The following NAALADL2 variants were observed in gnomAD, a reference collection of about 807,000 sequenced individuals.
NAALADL2 encodes N-acetylated alpha-linked acidic dipeptidase like 2.
A neutral mutation model predicts 87.2 loss-of-function variants in NAALADL2; 76 were observed. That is an observed-to-expected ratio of 0.87 (90% CI 0.72 to 1.05). NAALADL2 has a LOEUF of 1.05. NAALADL2 is among the 50% of genes least tolerant of loss of function. NAALADL2 has a pLI of 0.00. For synonymous variants in NAALADL2, 354 were observed against 331.0 expected (o/e 1.07, Z -0.75); for missense variants, 1,089 against 945.8 (o/e 1.15, Z -1.99).
chr3:174,632,230 G>A (rs1205847300), intron 2 of NAALADL2, among the ~76,000 whole-genome samples: 1 of 152,024 alleles, frequency 6.6e-6, no homozygotes, highest in Non-Finnish European at 1.5e-5. Context: ...TATGTTAAAG[G>A]ATTGTTTAAA....
In NAALADL2 at chr3:175,336,551, C is replaced by G. The variant is rs904579391; in HGVS notation, c.1090+12226C>G. On this transcript the variant is annotated intron_variant, in intron 5 of 13. Coordinates refer to ENST00000454872, the MANE Select transcript of NAALADL2 (RefSeq NM_207015.3). Reference sequence around the variant, plus strand: ...AAGTAATACAGAAAGTAGGAAAGGGCAGGGCTGATTAGATCACATGGTGAT... The same window carrying G: ...AAGTAATACAGAAAGTAGGAAAGGGGAGGGCTGATTAGATCACATGGTGAT... Among the ~76,000 whole-genome samples the G allele has an allele frequency of 2.6e-5, 4 of 152,168 alleles. No individual in the cohort carries two copies. In the East Asian group the frequency reaches 5.8e-4, roughly 22 times the overall value.
At chr3:175,155,904 A>G (rs1003305677) in intron 2 of NAALADL2, among the ~76,000 whole-genome samples, 23 of 152,190 alleles carry the variant, frequency 1.5e-4, no homozygotes, top group African/African-American at 5.3e-4. Context: ...CACTTGTACA[A>G]GAGATGCAGA....
intron 4 of NAALADL2, among the ~76,000 whole-genome samples, chr3:175,313,025 A>C (rs1282666461): frequency 6.6e-6 from 1 of 152,188 alleles, no homozygotes; most frequent in Admixed American, 6.6e-5. Context: ...TTTGGAGTCA[A>C]GAAGTCCAAG....
chr3:175,244,833 A>G (rs942403532), intron 3 of NAALADL2, among the ~76,000 whole-genome samples: 2 of 152,096 alleles, frequency 1.3e-5, no homozygotes. Flanking sequence ...CTATTACATT[A>G]CCTATGTTTT....
chr3:174,868,795 G>T (rs1410661055), intron 1 of NAALADL2, among the ~76,000 whole-genome samples: 1 of 152,102 alleles, frequency 6.6e-6, no homozygotes, highest in Non-Finnish European at 1.5e-5. Context: ...TGTATATTTT[G>T]ATGAAAATGT....
intron 1 of NAALADL2, among the ~76,000 whole-genome samples, chr3:174,527,652 G>A (rs1387288277): frequency 6.6e-6 from 1 of 152,118 alleles, no homozygotes; most frequent in African/African-American, 2.4e-5. Context: ...AGGGAGCTTA[G>A]GAAGAGATTT....
At chr3:174,749,366 A>T (rs1455711370) in intron 3 of NAALADL2, among the ~76,000 whole-genome samples, 1 of 152,208 alleles carries the variant, frequency 6.6e-6, no homozygotes, top group Non-Finnish European at 1.5e-5. Context: ...ATCCACAGGC[A>T]ATGTCTAAAA....
intron 3 of NAALADL2, among the ~76,000 whole-genome samples, chr3:174,797,508 G>A (rs2109233541): frequency 6.6e-6 from 1 of 151,178 alleles, no homozygotes; most frequent in South Asian, 2.1e-4. Context: ...GGAGAGACAG[G>A]GTTTCACCAT....
At chr3:175,181,713 G>GTGTATGCATATATA in intron 2 of NAALADL2, among the ~76,000 whole-genome samples, 1 of 37,052 alleles carries the variant, frequency 2.7e-5, no homozygotes, top group South Asian at 1.1e-3. Flanking sequence ...ATGTGTGTGT[G>GTGTATGCATATATA]TGTGTATATA....
chr3:174,870,557 T>G (rs1041639409), intron 1 of NAALADL2, among the ~76,000 whole-genome samples: 1 of 151,784 alleles, frequency 6.6e-6, no homozygotes, highest in African/African-American at 2.4e-5. Flanking sequence ...GTTTGTGTCA[T>G]TATCTTGTTA....
At chr3:174,977,016 C>G (rs190263174) in intron 1 of NAALADL2, among the ~76,000 whole-genome samples, 31 of 152,184 alleles carry the variant, frequency 2.0e-4, no homozygotes, top group African/African-American at 6.5e-4. Context: ...TTCTGGAGAT[C>G]AAGTAGGTAT....
At chr3:175,774,484 G>A (rs775583279) in intron 13 of NAALADL2, among the ~76,000 whole-genome samples, 1 of 151,706 alleles carries the variant, frequency 6.6e-6, no homozygotes, top group Non-Finnish European at 1.5e-5. Flanking sequence ...ACTCCCTTAT[G>A]AGATGTCTAT....
intron 1 of NAALADL2, among the ~76,000 whole-genome samples, chr3:174,939,474 A>G (rs1014750860): frequency 6.6e-6 from 1 of 151,886 alleles, no homozygotes; most frequent in Non-Finnish European, 1.5e-5. Context: ...ACGTAACATT[A>G]CCTTGGCATT....
chr3:174,767,181 G>T (rs931875553), intron 3 of NAALADL2, among the ~76,000 whole-genome samples: 1 of 152,104 alleles, frequency 6.6e-6, no homozygotes, highest in African/African-American at 2.4e-5. Context: ...GCACTTCAGT[G>T]GTTACAACTA....
At chr3:175,699,753 A>G (rs954811125) in intron 11 of NAALADL2, among the ~76,000 whole-genome samples, 2 of 152,158 alleles carry the variant, frequency 1.3e-5, no homozygotes, top group African/African-American at 4.8e-5. Context: ...TTAGAAAGAT[A>G]TTTTTATATG....
intron 2 of NAALADL2, among the ~76,000 whole-genome samples, chr3:175,099,236 T>G (rs532051094): frequency 6.6e-6 from 1 of 152,280 alleles, no homozygotes; most frequent in African/African-American, 2.4e-5. Flanking sequence ...ATTCATTATT[T>G]CTCTCAGAAT....
chr3:175,774,313 G>A (rs191229428), intron 13 of NAALADL2, among the ~76,000 whole-genome samples: 18 of 152,008 alleles, frequency 1.2e-4, no homozygotes, highest in South Asian at 6.2e-4. Flanking sequence ...AGACCTCTAC[G>A]CAGGCAGCAT....
intron 2 of NAALADL2, among the ~76,000 whole-genome samples, chr3:174,613,239 T>A (rs757381415): frequency 2.1e-4 from 32 of 151,330 alleles, no homozygotes; most frequent in Admixed American, 1.3e-4. Context: ...GGGTCAGACC[T>A]GAAGCCAGCA....
intron 5 of NAALADL2, among the ~76,000 whole-genome samples, chr3:175,376,822 A>G (rs563114960): frequency 4.9e-4 from 74 of 152,186 alleles, no homozygotes; most frequent in African/African-American, 6.3e-4. Flanking sequence ...TTATTTTACC[A>G]TGCTTCAGCT....
Sources: allele counts gnomAD v4.1 joint callset (sites outside exome capture counted in the v4.1 genomes callset), GRCh38; gene constraint gnomAD v4.1.1; transcripts MANE v1.5; gene names NCBI Gene and HGNC (gene_info 2026-07-23, HGNC 2026-07-21).